Variants in ZNF510 observed in about 807,000 individuals in gnomAD.
ZNF510 encodes the protein zinc finger protein 510.
ZNF510 carries 15 observed loss-of-function variants against 18.1 expected under a neutral mutation model. The observed-to-expected ratio is 0.83, with a 90% CI of 0.55 to 1.28. The LOEUF (loss-of-function observed/expected upper bound fraction) is 1.28. ZNF510 is among the 50% of genes most tolerant of loss of function. The pLI, the probability that ZNF510 is intolerant of heterozygous loss-of-function variation, is 0.00. For synonymous variants in ZNF510, 261 were observed against 266.4 expected (o/e 0.98, Z 0.20); for missense variants, 724 against 791.8 (o/e 0.91, Z 1.03).
In ZNF510 at chr9:96,763,191, C is replaced by T. The variant is rs758332576; in HGVS notation, c.279G>A (p.Glu93=). Residue 93 remains glutamate (E), a synonymous_variant, in exon 5 of 6, where the codon GAG becomes GAA. Transcript: ENST00000223428. ...VSVGYCCFKP[E]VIFKLEQGEE... ...CTCCTTGCTCCAACTTGAAGATCAC[C>T]TCTGGTTTGAAACAGCAGTACCCTG... 1 of 1,614,034 alleles carries T rather than the reference C, an allele frequency of 6.2e-7. No individual in the cohort carries two copies. The highest frequency in any genetic ancestry group is 1.7e-5 in the Admixed American group (1 of 60,014).
At position 96,759,418 on chromosome 9, in the gene ZNF510, T is replaced by C. The variant is rs1849282663; in HGVS notation, c.1412A>G (p.Gln471Arg). ...KCNECGKTFVQKSTLRGHQRI... is the reference protein window; with the variant it reads ...KCNECGKTFVRKSTLRGHQRI... Reference sequence around the variant, plus strand: ...TTGATGTCCCCTGAGGGTTGACTTCTGGACAAATGTTTTTCCACATTCATT... The same window carrying C: ...TTGATGTCCCCTGAGGGTTGACTTCCGGACAAATGTTTTTCCACATTCATT... The change falls in exon 6 of 6, where the codon CAG becomes CGG. Residue 471 changes from glutamine (Q) to arginine (R), a missense_variant. By Grantham distance (43) the Gln-to-Arg change is conservative. Coordinates refer to ENST00000223428, the MANE Select transcript of ZNF510 (RefSeq NM_014930.3). 1.9e-6 allele frequency: 3 copies of C among 1,614,174 alleles called. No individual in the cohort carries two copies. The highest frequency in any genetic ancestry group is 2.5e-6 in the Non-Finnish European group (3 of 1,180,012).
At chr9:96,769,641 A>T (rs974204593) in intron 3 of ZNF510, among the ~76,000 whole-genome samples, 1 of 152,196 alleles carries the variant, frequency 6.6e-6, no homozygotes, top group African/African-American at 2.4e-5. Flanking sequence ...TAGTGAAAAG[A>T]ACCTACAGAA....
chr9:96,763,350 T>C, intron 4 of ZNF510, 137 bp from the exon 5 acceptor site: 1 of 1,270,982 alleles, frequency 7.9e-7, no homozygotes, highest in Non-Finnish European at 1.1e-6. Context: ...GACAACACAT[T>C]CTTTCTAGTC....
In ZNF510 at chr9:96,758,823, G is replaced by A. The variant is rs2117910467; in HGVS notation, c.2007C>T (p.Thr669=). The change falls in exon 6 of 6, where the codon ACC becomes ACT. Residue 669 remains threonine (T), a synonymous_variant. Transcript: ENST00000223428. The stretch of plus-strand genomic sequence containing the variant: ...CCTGAATTTTCTGGTATAAGCTTAG[G>A]GTAGACTTCTTACATAATTTCCCAT... ...NEYGKLCKKS[T]LSLYQKIQGE... 1 of 1,611,530 alleles carries A rather than the reference G, an allele frequency of 6.2e-7. No individual in the cohort carries two copies. Among genetic ancestry groups the A allele is most frequent in the East Asian group, 2.2e-5 (1 of 44,838 alleles).
At chr9:96,765,045 G>A (rs536601085) in intron 3 of ZNF510, among the ~76,000 whole-genome samples, 12 of 152,148 alleles carry the variant, frequency 7.9e-5, no homozygotes, top group East Asian at 1.9e-4. Flanking sequence ...CCTGGGAGGC[G>A]GAGGTTGCAG....
At chr9:96,760,591 T>C in intron 5 of ZNF510, 114 bp from the exon 6 acceptor site, 1 of 971,040 alleles carries the variant, frequency 1.0e-6, no homozygotes, top group South Asian at 2.3e-5. Flanking sequence ...GATTAAATAA[T>C]TCAGATGTAT....
At chr9:96,764,177 T>TC (rs1554796088) in intron 3 of ZNF510, among the ~76,000 whole-genome samples, 8,939 of 152,156 alleles carry the variant, frequency 0.059, 860 homozygotes, top group African/African-American at 0.2. Flanking sequence ...CTAAAACTTT[T>TC]TTTTTATTCT....
chr9:96,761,191 T>C (rs1435485354), intron 5 of ZNF510, among the ~76,000 whole-genome samples: 2 of 152,198 alleles, frequency 1.3e-5, no homozygotes, highest in Non-Finnish European at 2.9e-5. Flanking sequence ...TGTCATAGCA[T>C]TGATTTATTC....
chr9:96,760,566 TATTTG>T lies in ZNF510; in HGVS notation c.353-94_353-90del, dbSNP rs371785752. The T allele has an allele frequency of 3.1e-4, 361 of 1,172,316 alleles. 3 individuals carry two copies. The East Asian group carries it at 7.5e-3, about 24-fold the overall frequency. The allele number at this position is 1,172,316 out of a possible 1,614,324, so 72.6% of individuals were successfully genotyped here. The stretch of plus-strand genomic sequence containing the variant: ...ACATACAGCCTATGTTGCACCTAAT[TATTTG>T]ATTTATCAAGATTAAATAATTCAGA... On this transcript the variant is annotated intron_variant, in intron 5 of 5. Transcript: ENST00000223428.
intron 3 of ZNF510, among the ~76,000 whole-genome samples, chr9:96,764,194 T>C (rs902785284): frequency 6.6e-6 from 1 of 151,326 alleles, no homozygotes; most frequent in African/African-American, 2.5e-5. Context: ...TTCTTATTTT[T>C]GTAGCCAAAA....
chr9:96,770,519 T>C (rs1849563425), intron 3 of ZNF510, among the ~76,000 whole-genome samples: 1 of 151,804 alleles, frequency 6.6e-6, no homozygotes, highest in Non-Finnish European at 1.5e-5. Flanking sequence ...GGAGAACTGC[T>C]TGAACCTGAG....
In ZNF510 at chr9:96,758,587, T is replaced by C. The variant is rs938418827; in HGVS notation, c.*191A>G. The C allele has an allele frequency of 1.7e-5, 10 of 592,446 alleles. No individual in the cohort carries two copies. Among genetic ancestry groups the C allele is most frequent in the Non-Finnish European group, 2.6e-5 (9 of 350,660 alleles). The allele number at this position is 592,446 out of a possible 1,614,324, so 36.7% of individuals were successfully genotyped here. A position where few individuals can be genotyped will look rare whatever the true frequency, so the allele number is the denominator to read the frequency against. On this transcript the variant is annotated 3_prime_UTR_variant, in exon 6 of 6. Coordinates refer to ENST00000223428, the MANE Select transcript of ZNF510 (RefSeq NM_014930.3). ...TGAATTCTTTGATACACTCTGAAGG[T>C]TGCATTTTGGACACAATTCTTCCTG...
At chr9:96,776,377 A>C in intron 1 of ZNF510, 132 bp from the exon 2 acceptor site, 2 of 317,424 alleles carry the variant, frequency 6.3e-6, no homozygotes, top group Non-Finnish European at 1.2e-5. Context: ...GGGCTGGATA[A>C]TCCTCTGACA....
chr9:96,776,436 AT>A (rs1849705883), intron 1 of ZNF510, among the ~76,000 whole-genome samples, 191 bp from the exon 2 acceptor site: 1 of 152,188 alleles, frequency 6.6e-6, no homozygotes, highest in Non-Finnish European at 1.5e-5. Flanking sequence ...ATTTCTAAAC[AT>A]GCACTAGACA....
chr9:96,764,547 A>AG (rs1012269520), intron 3 of ZNF510, among the ~76,000 whole-genome samples: 8 of 152,226 alleles, frequency 5.3e-5, no homozygotes, highest in African/African-American at 1.9e-4. Context: ...AGCACTGAGA[A>AG]GTTCCATCAG....
At chr9:96,769,754 G>A (rs914210558) in intron 3 of ZNF510, among the ~76,000 whole-genome samples, 2 of 152,150 alleles carry the variant, frequency 1.3e-5, no homozygotes. Context: ...TCCAAAATGG[G>A]CAAAGGACTT....
intron 3 of ZNF510, among the ~76,000 whole-genome samples, chr9:96,765,079 C>T (rs1207836887): frequency 6.6e-6 from 1 of 152,060 alleles, no homozygotes; most frequent in African/African-American, 2.4e-5. Flanking sequence ...CGCCACTGCA[C>T]TCCAGCCTGG....
chr9:96,772,633 C>A (rs1849606082), intron 3 of ZNF510, among the ~76,000 whole-genome samples: 2 of 151,918 alleles, frequency 1.3e-5, no homozygotes, highest in Non-Finnish European at 2.9e-5. Flanking sequence ...CAATGGTGCC[C>A]AACATTAGTA....
chr9:96,775,670 C>A (rs1218402648), intron 2 of ZNF510, among the ~76,000 whole-genome samples: 1 of 152,088 alleles, frequency 6.6e-6, no homozygotes, highest in Non-Finnish European at 1.5e-5. Context: ...ACTGTTCATC[C>A]TAGGTTCAAT....
Sources: allele counts gnomAD v4.1 joint callset (sites outside exome capture counted in the v4.1 genomes callset), GRCh38; gene constraint gnomAD v4.1.1; transcripts MANE v1.5; gene names NCBI Gene and HGNC (gene_info 2026-07-23, HGNC 2026-07-21).